Variants in NLRC5 observed in about 807,000 individuals in gnomAD.
The protein encoded by NLRC5 is protein NLRC5.
NLRC5 carries 114 observed loss-of-function variants against 206.9 expected under a neutral mutation model. The ratio of observed to expected loss-of-function variants is 0.55; its 90% CI spans 0.47 to 0.64. NLRC5 has a LOEUF of 0.64. Among genes scored for constraint, NLRC5 ranks in the 30% least tolerant of loss-of-function variants. The probability of loss-of-function intolerance (pLI) is 0.00; values close to 1 mark genes in which losing one functional copy is unlikely to be tolerated. For missense variants in NLRC5, 2,008 were observed against 2,305.5 expected (o/e 0.87, Z 2.64); for synonymous variants, 952 against 962.8 (o/e 0.99, Z 0.21).
At chr16:57,045,303 G>T in intron 20 of NLRC5, 145 bp from the exon 21 acceptor site, 1 of 666,984 alleles carries the variant, frequency 1.5e-6, no homozygotes, top group Non-Finnish European at 2.7e-6. Context: ...CTTGATACAT[G>T]TAATTGTTGC....
chr16:57,074,790 C>G, intron 39 of NLRC5, 107 bp downstream of exon 39: 1 of 1,050,836 alleles, frequency 9.5e-7, no homozygotes, highest in Non-Finnish European at 1.5e-6. Flanking sequence ...GGATCCTTTG[C>G]GGATCCCTCC....
chr16:57,007,009 T>C (rs1316137598), intron 1 of NLRC5, among the ~76,000 whole-genome samples: 1 of 152,018 alleles, frequency 6.6e-6, no homozygotes, highest in Non-Finnish European at 1.5e-5. Context: ...TCCTTGCACA[T>C]TGGGGAAATG....
chr16:57,055,207 G>A (rs2065460042), intron 26 of NLRC5, 113 bp downstream of exon 26: 1 of 1,164,012 alleles, frequency 8.6e-7, no homozygotes, highest in Middle Eastern at 1.9e-4. Context: ...CATTCCCCTG[G>A]AACAACCCTG....
In NLRC5 at chr16:57,058,980, A is replaced by G. The variant is rs372054568; in HGVS notation, c.3839A>G (p.His1280Arg). Residue 1280 changes from histidine (H) to arginine (R), a missense_variant, in exon 29 of 49, where the codon CAC (histidine) becomes CGC (arginine). By Grantham distance (29) the His-to-Arg change is conservative (BLOSUM62 0). Transcript: ENST00000688547. ...VPISGLLDLS[H>R]NSISQESALY... ...CTCCATTTCCCTTCTAGTCTGAGTC[A>G]CAACAGCATTTCTCAGGAAAGTGCC... The G allele has an allele frequency of 1.2e-6, 2 of 1,613,978 alleles. No homozygotes were observed. Among genetic ancestry groups the G allele is most frequent in the African/African-American group, 2.7e-5 (2 of 74,926 alleles).
intron 2 of NLRC5, among the ~76,000 whole-genome samples, chr16:57,018,728 G>A (rs1325929772): frequency 2.0e-5 from 3 of 152,086 alleles, no homozygotes. Context: ...GATAAAATAA[G>A]GTATATAAAG....
At chr16:56,990,994 C>T (rs1442603335) in intron 1 of NLRC5, 4 of 152,194 alleles carry the variant, frequency 2.6e-5, no homozygotes, top group African/African-American at 9.7e-5. Context: ...CTCTCAACAA[C>T]TGGTATTTGC....
chr16:57,069,658 C>G (rs1404294644), intron 36 of NLRC5, 178 bp from the exon 37 acceptor site: 3 of 612,436 alleles, frequency 4.9e-6, no homozygotes, highest in African/African-American at 1.8e-5. Context: ...GCTTCTGCTT[C>G]CAAGCTCTGT....
intron 43 of NLRC5, among the ~76,000 whole-genome samples, chr16:57,078,493 A>ATTTTTTT (rs2068723002): frequency 1.1e-5 from 1 of 90,516 alleles, no homozygotes; most frequent in African/African-American, 5.5e-5. Flanking sequence ...TTTTTTTTAG[A>ATTTTTTT]TGGAGTCTCT....
chr16:57,047,174 C>T (rs1326725500), intron 22 of NLRC5, among the ~76,000 whole-genome samples: 3 of 152,132 alleles, frequency 2.0e-5, no homozygotes, highest in Non-Finnish European at 4.4e-5. Flanking sequence ...GTCAGATGTG[C>T]AGTGTTAAAA....
intron 22 of NLRC5, 67 bp from the exon 23 acceptor site, chr16:57,047,478 C>A: frequency 7.4e-7 from 1 of 1,350,398 alleles, no homozygotes; most frequent in Non-Finnish European, 1.0e-6. Context: ...AAGGATAGAG[C>A]CCCTGGGGCT....
At chr16:57,018,978 C>T (rs1191554177) in intron 2 of NLRC5, among the ~76,000 whole-genome samples, 4 of 152,148 alleles carry the variant, frequency 2.6e-5, no homozygotes, top group African/African-American at 7.2e-5. Flanking sequence ...CGTTCATGAT[C>T]GTTTGCCAAG....
chr16:57,041,864 G>A, intron 18 of NLRC5, 118 bp from the exon 19 acceptor site: 3 of 712,450 alleles, frequency 4.2e-6, no homozygotes, highest in Non-Finnish European at 7.0e-6. Context: ...GATCTGGCCT[G>A]GCAGCCCAGG....
intron 40 of NLRC5, 101 bp from the exon 41 acceptor site, chr16:57,077,195 G>A (rs1432989520): frequency 1.5e-5 from 16 of 1,059,036 alleles, no homozygotes; most frequent in South Asian, 4.1e-5. Context: ...TGTGTGAGTC[G>A]AGGCCCTTCC....
intron 2 of NLRC5, among the ~76,000 whole-genome samples, chr16:57,020,299 C>T (rs2060516617): frequency 6.8e-6 from 1 of 146,026 alleles, no homozygotes; most frequent in African/African-American, 2.5e-5. Context: ...AATCACCTGC[C>T]CCCAATTTGC....
intron 32 of NLRC5, among the ~76,000 whole-genome samples, chr16:57,063,887 C>T (rs963061800): frequency 3.9e-5 from 6 of 151,994 alleles, no homozygotes; most frequent in Non-Finnish European, 5.9e-5. Flanking sequence ...TACAGGTGCC[C>T]GCCACCACGC....
intron 34 of NLRC5, 68 bp downstream of exon 34, chr16:57,066,682 C>A: frequency 7.5e-7 from 1 of 1,329,388 alleles, no homozygotes; most frequent in Non-Finnish European, 1.1e-6. Flanking sequence ...CTGCTTCTGA[C>A]CAATATTCAC....
At chr16:57,043,362 G>A (rs1274156954) in intron 19 of NLRC5, among the ~76,000 whole-genome samples, 153 bp from the exon 20 acceptor site, 1 of 152,186 alleles carries the variant, frequency 6.6e-6, no homozygotes, top group Non-Finnish European at 1.5e-5. Flanking sequence ...TCTCCACCAT[G>A]AGGACTTGCA....
At chr16:57,059,763 A>G (rs112675617) in intron 30 of NLRC5, among the ~76,000 whole-genome samples, 2,984 of 152,086 alleles carry the variant, frequency 0.02, 90 homozygotes, top group African/African-American at 0.062. Context: ...CCTAAGCCCA[A>G]CTCAGCCCAA....
At chr16:57,079,177 C>A (rs748205084) in intron 44 of NLRC5, 44 bp downstream of exon 44, 3 of 1,613,620 alleles carry the variant, frequency 1.9e-6, no homozygotes, top group Non-Finnish European at 2.5e-6. Flanking sequence ...CAGTCCTGGG[C>A]GGGTCTGGGG....
Sources: allele counts gnomAD v4.1 joint callset (sites outside exome capture counted in the v4.1 genomes callset), GRCh38; gene constraint gnomAD v4.1.1; transcripts MANE v1.5; gene names NCBI Gene and HGNC (gene_info 2026-07-23, HGNC 2026-07-21).